Variants in SDK1 observed in about 807,000 individuals in gnomAD.
The protein encoded by SDK1 is sidekick cell adhesion molecule 1, also known as protein sidekick-1.
A neutral mutation model predicts 245.5 loss-of-function variants in SDK1; 157 were observed. That is an observed-to-expected ratio of 0.64 (90% confidence interval 0.56 to 0.73). The LOEUF (loss-of-function observed/expected upper bound fraction) is 0.73, where lower values mean the gene tolerates loss of function less well. Ranked by LOEUF, SDK1 falls within the 30% of genes least tolerant of loss-of-function variation. SDK1 has a pLI of 0.00. For missense variants in SDK1, 3,583 were observed against 3,002.3 expected (o/e 1.19, Z -4.52); for synonymous variants, 1,647 against 1,278.5 (o/e 1.29, Z -6.15).
chr7:3,749,093 A>G (rs1200152719), intron 4 of SDK1, among the ~76,000 whole-genome samples: 1 of 152,158 alleles, frequency 6.6e-6, no homozygotes, highest in Non-Finnish European at 1.5e-5. Flanking sequence ...TAATCAGATG[A>G]TATAATAGAT....
At chr7:3,732,761 A>G (rs1446713566) in intron 4 of SDK1, among the ~76,000 whole-genome samples, 1 of 152,230 alleles carries the variant, frequency 6.6e-6, no homozygotes, top group South Asian at 2.1e-4. Flanking sequence ...AAGATGCCAT[A>G]GCAGCTTCAA....
chr7:3,732,616 A>G (rs1201463185), intron 4 of SDK1, among the ~76,000 whole-genome samples: 8 of 152,238 alleles, frequency 5.3e-5, no homozygotes. Context: ...AAGCATTCAA[A>G]GAGACTGAGC....
At chr7:3,343,558 GTGGAAATACTCTATCT>G (rs1780411189) in intron 1 of SDK1, among the ~76,000 whole-genome samples, 1 of 152,146 alleles carries the variant, frequency 6.6e-6, no homozygotes, top group Non-Finnish European at 1.5e-5. Flanking sequence ...CCTTGTGGTG[GTGGAAATACTCTATCT>G]TGGCTGTATC....
intron 2 of SDK1, among the ~76,000 whole-genome samples, chr7:3,631,411 G>C (rs932252018): frequency 6.6e-6 from 1 of 152,076 alleles, no homozygotes; most frequent in African/African-American, 2.4e-5. Flanking sequence ...TTCTCTAGTT[G>C]TCCATCTTGA....
chr7:3,444,937 A>G (rs369534664), intron 1 of SDK1, among the ~76,000 whole-genome samples: 5 of 152,236 alleles, frequency 3.3e-5, no homozygotes, highest in Admixed American at 6.5e-5. Flanking sequence ...ACTATTTCCT[A>G]CTTACAAACT....
chr7:3,999,502 G>A (rs1784919129), intron 14 of SDK1, among the ~76,000 whole-genome samples: 1 of 152,214 alleles, frequency 6.6e-6, no homozygotes, highest in Non-Finnish European at 1.5e-5. Flanking sequence ...GGGCATGGAG[G>A]CCCTTGGAGG....
At chr7:4,158,094 C>T (rs965180136) in intron 30 of SDK1, among the ~76,000 whole-genome samples, 2 of 152,280 alleles carry the variant, frequency 1.3e-5, no homozygotes, top group South Asian at 4.1e-4. Context: ...GAGGGGTTGG[C>T]ACTGCCTCCC....
chr7:4,124,490 T>C (rs752842390), intron 25 of SDK1, among the ~76,000 whole-genome samples: 47 of 152,178 alleles, frequency 3.1e-4, no homozygotes, highest in South Asian at 8.3e-4. Context: ...AATTCCTTTT[T>C]TTATATGGGC....
At chr7:4,218,432 G>A (rs945668126) in intron 38 of SDK1, among the ~76,000 whole-genome samples, 14 of 152,014 alleles carry the variant, frequency 9.2e-5, no homozygotes, top group Non-Finnish European at 1.0e-4. Context: ...TAATTCGGAA[G>A]AAAATAATTT....
At chr7:4,121,490 G>A (rs992067427) in intron 25 of SDK1, among the ~76,000 whole-genome samples, 29 of 152,294 alleles carry the variant, frequency 1.9e-4, no homozygotes, top group African/African-American at 7.0e-4. Flanking sequence ...GGCATGTGAG[G>A]AAGTTCCTTG....
intron 13 of SDK1, among the ~76,000 whole-genome samples, chr7:3,979,455 G>A (rs1400950268): frequency 6.6e-6 from 1 of 152,110 alleles, no homozygotes; most frequent in Non-Finnish European, 1.5e-5. Flanking sequence ...TCTGTTTGCT[G>A]TTGAGCCCTC....
chr7:3,929,951 C>T (rs933915394), intron 5 of SDK1, among the ~76,000 whole-genome samples: 5 of 152,260 alleles, frequency 3.3e-5, no homozygotes, highest in South Asian at 2.1e-4. Flanking sequence ...CGGCGTGTCA[C>T]GTTCCTGAAA....
chr7:3,648,037 C>T (rs1782902868), intron 4 of SDK1, among the ~76,000 whole-genome samples: 1 of 152,256 alleles, frequency 6.6e-6, no homozygotes, highest in African/African-American at 2.4e-5. Context: ...AAACCCCATA[C>T]ATTTATTTTT....
chr7:3,932,063 C>T (rs760015393), intron 5 of SDK1, among the ~76,000 whole-genome samples: 6 of 152,170 alleles, frequency 3.9e-5, no homozygotes, highest in South Asian at 2.1e-4. Flanking sequence ...TGACCTGCCA[C>T]GTTTTTAATA....
intron 1 of SDK1, among the ~76,000 whole-genome samples, chr7:3,388,610 T>G (rs1562456794): frequency 1.3e-5 from 2 of 152,140 alleles, no homozygotes; most frequent in African/African-American, 4.8e-5. Context: ...ACATAAGTAG[T>G]AGTTGTGTGT....
intron 1 of SDK1, among the ~76,000 whole-genome samples, chr7:3,548,182 T>TG (rs1779289345): frequency 6.6e-6 from 1 of 152,296 alleles, no homozygotes; most frequent in South Asian, 2.1e-4. Flanking sequence ...CAAGTATATA[T>TG]GAAGATCTGA....
chr7:3,896,598 G>C (rs368501332), intron 5 of SDK1, among the ~76,000 whole-genome samples: 4 of 152,148 alleles, frequency 2.6e-5, no homozygotes, highest in South Asian at 4.2e-4. Context: ...GCTTCCCTCA[G>C]CCTGGATTGG....
chr7:4,127,198 T>G lies in SDK1; in HGVS notation c.3824-183T>G, dbSNP rs569877102. Among the ~76,000 whole-genome samples the G allele has an allele frequency of 4.6e-5, 7 of 152,358 alleles. No homozygotes were observed. The East Asian group carries it at 1.3e-3, about 29-fold the overall frequency. On this transcript the variant is annotated intron_variant, in intron 25 of 44. Coordinates refer to ENST00000404826, the MANE Select transcript of SDK1 (RefSeq NM_152744.4). ...CTAAGTACCCAGGATTTATGGAATTTGTTGCTAATATTAAAGAGATTTACA... is the reference window on the plus strand; with the variant it reads ...CTAAGTACCCAGGATTTATGGAATTGGTTGCTAATATTAAAGAGATTTACA...
intron 5 of SDK1, among the ~76,000 whole-genome samples, chr7:3,841,100 C>T (rs1229838640): frequency 6.6e-6 from 1 of 152,160 alleles, no homozygotes; most frequent in East Asian, 1.9e-4. Flanking sequence ...CAGTGGGTCT[C>T]GAATGTGTGA....
Sources: gnomAD v4.1 joint callset for allele counts (sites outside exome capture counted in the v4.1 genomes callset) on GRCh38, gnomAD v4.1.1 for gene constraint, MANE v1.5 for transcripts, NCBI Gene and HGNC (gene_info 2026-07-23, HGNC 2026-07-21) for gene names.